ITSN1: variants seen among roughly 807,000 people sequenced by gnomAD.
The protein encoded by ITSN1 is intersectin-1.
ITSN1 carries 58 observed loss-of-function variants against 239.8 expected under a neutral mutation model. The observed-to-expected ratio is 0.24, with a 90% CI of 0.20 to 0.30. ITSN1 has a LOEUF of 0.30. Among genes scored for constraint, ITSN1 ranks in the 10% least tolerant of loss-of-function variants. ITSN1 has a pLI of 1.00. For synonymous variants in ITSN1, 780 were observed against 770.8 expected, an observed-to-expected ratio of 1.01 and a Z score of -0.20; for missense variants, 1,558 against 2,103.3, an observed-to-expected ratio of 0.74 and a Z score of 5.07.
intron 8 of ITSN1, among the ~76,000 whole-genome samples, chr21:33,761,509 T>C (rs1033088557): frequency 6.6e-6 from 1 of 152,094 alleles, no homozygotes; most frequent in African/African-American, 2.4e-5. Context: ...TCCCTGAATT[T>C]GCCTGAGGTT....
intron 27 of ITSN1, among the ~76,000 whole-genome samples, chr21:33,832,885 T>G (rs561251924): frequency 5.3e-5 from 8 of 152,140 alleles, no homozygotes; most frequent in Non-Finnish European, 1.2e-4. Flanking sequence ...ATTTCCTTAT[T>G]TTGGGAATAG....
intron 6 of ITSN1, 31 bp from the exon 7 acceptor site, chr21:33,751,779 A>G (rs767175544): frequency 6.7e-7 from 1 of 1,494,532 alleles, no homozygotes; most frequent in Non-Finnish European, 9.3e-7. Flanking sequence ...ATCTTTGTAG[A>G]ATTAAAATTA....
At chr21:33,725,812 T>G (rs1181355709) in intron 4 of ITSN1, among the ~76,000 whole-genome samples, 1 of 152,196 alleles carries the variant, frequency 6.6e-6, no homozygotes, top group Non-Finnish European at 1.5e-5. Flanking sequence ...CCAAAAGAAA[T>G]GTCTTTGAAA....
At chr21:33,650,538 T>C (rs934639777) in intron 1 of ITSN1, among the ~76,000 whole-genome samples, 54 of 152,222 alleles carry the variant, frequency 3.5e-4, no homozygotes, top group African/African-American at 1.2e-3. Flanking sequence ...TTATCTATAA[T>C]AGGAGTGTTC....
chr21:33,762,227 A>G (rs1277674703), intron 9 of ITSN1, among the ~76,000 whole-genome samples: 3 of 151,580 alleles, frequency 2.0e-5, no homozygotes, highest in Admixed American at 2.0e-4. Context: ...ACAATTCTCA[A>G]CTCGTGACCA....
At chr21:33,767,673 C>A in intron 10 of ITSN1, 40 bp from the exon 11 acceptor site, 1 of 1,177,542 alleles carries the variant, frequency 8.5e-7, no homozygotes, top group Non-Finnish European at 1.3e-6. Context: ...ACCCAGACAG[C>A]TCTGTGTGAA....
Position 33,882,166 on chromosome 21 carries a change from T to A in ITSN1, c.4342-77T>A. The A allele has an allele frequency of 7.7e-7, 1 of 1,304,006 alleles. No individual in the cohort carries two copies. The highest frequency in any genetic ancestry group is 1.1e-6 in the Non-Finnish European group (1 of 930,634). The allele number at this position is 1,304,006 out of a possible 1,614,324, so 80.8% of individuals were successfully genotyped here. On this transcript the variant is annotated intron_variant, in intron 34 of 39. Coordinates refer to ENST00000381318, the MANE Select transcript of ITSN1 (RefSeq NM_003024.3). This position sits in a 1 kb window ranked among gnomAD's most constrained non-coding sequence, Gnocchi z 4.5. ...TCCGAGTCTGCTGGGGCCTGGCCTC[T>A]GATTCTGATGGAGCCCATGCTTTCA...
chr21:33,861,833 C>T (rs1360085414), intron 31 of ITSN1, among the ~76,000 whole-genome samples: 1 of 151,858 alleles, frequency 6.6e-6, no homozygotes, highest in Non-Finnish European at 1.5e-5. Flanking sequence ...GTAGTCCCAG[C>T]TACTCGGGAG....
intron 4 of ITSN1, among the ~76,000 whole-genome samples, chr21:33,727,036 G>A (rs1045770861): frequency 3.3e-5 from 5 of 151,830 alleles, no homozygotes; most frequent in African/African-American, 1.2e-4. Context: ...TAATGCTTTG[G>A]GGACTCCTTG....
chr21:33,811,587 G>A (rs780327234), intron 21 of ITSN1, among the ~76,000 whole-genome samples: 1 of 152,204 alleles, frequency 6.6e-6, no homozygotes, highest in Non-Finnish European at 1.5e-5. Flanking sequence ...CATGCAAATA[G>A]CACTTTTTTT....
intron 4 of ITSN1, among the ~76,000 whole-genome samples, chr21:33,725,756 T>A (rs2065796672): frequency 6.6e-6 from 1 of 152,232 alleles, no homozygotes; most frequent in Admixed American, 6.5e-5. Flanking sequence ...TAAATAAATT[T>A]GTGATGGCGT....
At chr21:33,817,539 T>C in intron 22 of ITSN1, 1 of 1,304,454 alleles carries the variant, frequency 7.7e-7, no homozygotes, top group Non-Finnish European at 1.0e-6. Flanking sequence ...TGCCAGGTGG[T>C]ACACTTGGTT....
At chr21:33,732,890 T>G (rs1441567740) in intron 4 of ITSN1, among the ~76,000 whole-genome samples, 1 of 152,144 alleles carries the variant, frequency 6.6e-6, no homozygotes, top group Admixed American at 6.5e-5. Flanking sequence ...GCATATTATA[T>G]GAAAAAAGTG....
At chr21:33,881,839 T>A (rs927368533) in intron 34 of ITSN1, among the ~76,000 whole-genome samples, 4 of 147,496 alleles carry the variant, frequency 2.7e-5, no homozygotes, top group African/African-American at 1.0e-4. Flanking sequence ...TCACATGTGT[T>A]GGGGGGCTGA....
rs2148477142 is a variant in ITSN1 at position 33,856,726 on chromosome 21, T to C, written c.3662-10T>C. Reference sequence around the variant, plus strand: ...TGTGCTAAGTTCTCCCAAATGGTTGTGTTTTCCAGGGTGTTCAGACTTACA... The same window carrying C: ...TGTGCTAAGTTCTCCCAAATGGTTGCGTTTTCCAGGGTGTTCAGACTTACA... On this transcript the variant is annotated splice_polypyrimidine_tract_variant and intron_variant, in intron 29 of 39. Coordinates refer to ENST00000381318, the MANE Select transcript of ITSN1 (RefSeq NM_003024.3). 3 of 1,595,778 alleles carry C rather than the reference T, an allele frequency of 1.9e-6. No individual in the cohort carries two copies. The East Asian group carries it at 6.7e-5, about 36-fold the overall frequency.
At chr21:33,651,503 A>G (rs2088531137) in intron 1 of ITSN1, among the ~76,000 whole-genome samples, 1 of 152,200 alleles carries the variant, frequency 6.6e-6, no homozygotes, top group South Asian at 2.1e-4. Context: ...TAATTTGTGT[A>G]AACTTTCCGG....
chr21:33,829,596 C>T (rs1370330673), intron 26 of ITSN1, 28 bp from the exon 27 acceptor site: 1 of 1,611,254 alleles, frequency 6.2e-7, no homozygotes, highest in South Asian at 1.1e-5. Flanking sequence ...CTTAACAGTG[C>T]ACTGCCGTGT....
chr21:33,682,400 A>T (rs1568927650), intron 1 of ITSN1, among the ~76,000 whole-genome samples: 1 of 151,880 alleles, frequency 6.6e-6, no homozygotes, highest in Non-Finnish European at 1.5e-5. Flanking sequence ...TTTTTGGTAG[A>T]GGCGGGGTTT....
chr21:33,779,766 C>T (rs2069996754), intron 14 of ITSN1, among the ~76,000 whole-genome samples: 1 of 152,148 alleles, frequency 6.6e-6, no homozygotes, highest in Non-Finnish European at 1.5e-5. Context: ...GGAAAAAGTA[C>T]CAGAAGTTGA....
Sources: gnomAD v4.1 joint callset for allele counts (sites outside exome capture counted in the v4.1 genomes callset) on GRCh38, gnomAD v4.1.1 for gene constraint, Gnocchi (gnomAD v3.1) non-coding constraint, MANE v1.5 for transcripts, NCBI Gene and HGNC (gene_info 2026-07-23, HGNC 2026-07-21) for gene names.